DNAH12: variants seen among roughly 807,000 people sequenced by gnomAD.
DNAH12 encodes the protein axonemal beta dynein heavy chain 12.
In DNAH12, 285 loss-of-function variants were observed where a neutral mutation model predicts 371.5. That is an observed-to-expected ratio of 0.77 (90% confidence interval 0.70 to 0.85). DNAH12 has a LOEUF of 0.85. Among genes scored for constraint, DNAH12 ranks in the 40% least tolerant of loss-of-function variants. The probability of loss-of-function intolerance (pLI) is 0.00; values close to 1 mark genes in which losing one functional copy is unlikely to be tolerated. For synonymous variants in DNAH12, 1,200 were observed against 1,213.0 expected (o/e 0.99, Z 0.22); for missense variants, 3,611 against 3,689.4 (o/e 0.98, Z 0.55).
intron 70 of DNAH12, among the ~76,000 whole-genome samples, chr3:57,301,346 C>G (rs2061342722): frequency 7.3e-6 from 1 of 137,586 alleles, no homozygotes; most frequent in Non-Finnish European, 1.6e-5. Context: ...ATTAAAATCA[C>G]AAGACAACTT....
chr3:57,403,244 C>G, intron 43 of DNAH12, 65 bp downstream of exon 43: 1 of 1,442,894 alleles, frequency 6.9e-7, no homozygotes, highest in Non-Finnish European at 9.2e-7. Context: ...CAGGCTGGTT[C>G]TCTCTTTACG....
In DNAH12 at chr3:57,408,279, C is replaced by T. The variant is rs1553681904; in HGVS notation, c.6276+1G>A. ...ACATTTACATTGCATTATTGACTGA[C>T]CTCCATAGTCCCATTGACTATCTGG... is the stretch of plus-strand genomic sequence containing the variant. On this transcript the variant is annotated splice_donor_variant, in intron 40 of 73. Coordinates refer to ENST00000495027, the MANE Select transcript of DNAH12 (RefSeq NM_001366028.2). LOFTEE classifies it high-confidence loss of function. 1.3e-6 allele frequency: 2 copies of T among 1,536,790 alleles called. No homozygotes were observed. Among genetic ancestry groups the T allele is most frequent in the Admixed American group, 4.1e-5 (2 of 48,296 alleles).
chr3:57,419,000 AAATGT>A (rs1412058490), intron 37 of DNAH12, among the ~76,000 whole-genome samples: 1 of 152,210 alleles, frequency 6.6e-6, no homozygotes, highest in Non-Finnish European at 1.5e-5. Context: ...GAAAAATGCT[AAATGT>A]AATAGGAGAA....
intron 49 of DNAH12, among the ~76,000 whole-genome samples, chr3:57,383,448 G>A (rs2063437034): frequency 1.3e-5 from 2 of 151,886 alleles, no homozygotes; most frequent in African/African-American, 2.4e-5. Context: ...TGGAACATAG[G>A]GAGAAGTTAC....
At chr3:57,409,459 G>A (rs1274327307) in intron 39 of DNAH12, among the ~76,000 whole-genome samples, 3 of 151,958 alleles carry the variant, frequency 2.0e-5, no homozygotes, top group African/African-American at 7.3e-5. Flanking sequence ...GCACTGATAT[G>A]GCTATTTGAG....
At chr3:57,432,164 A>T (rs147422667) in intron 32 of DNAH12, among the ~76,000 whole-genome samples, 1 of 119,526 alleles carries the variant, frequency 8.4e-6, no homozygotes. Flanking sequence ...GTACTTCAGT[A>T]TATCTTTTTT....
chr3:57,296,927 G>C lies in DNAH12; in HGVS notation c.11452C>G (p.Gln3818Glu). ...VFWLSGFFFT[Q>E]AFLTGAMQNY... ...TGCATAGCTCCAGTTAAAAAGGCCT[G>C]AGTGAAAAAGAAACCTGACAGCCAA... The change falls in exon 71 of 74, where the codon CAG becomes GAG. Residue 3818 changes from glutamine to glutamate, a missense_variant. Physicochemically the swap from Gln to Glu is conservative, Grantham distance 29. Transcript: ENST00000495027. 6.4e-7 allele frequency: 1 copy of C among 1,551,648 alleles called. No homozygotes were observed. Among genetic ancestry groups the C allele is most frequent in the South Asian group, 1.2e-5 (1 of 84,056 alleles).
At chr3:57,358,440 C>T (rs2062848742) in intron 58 of DNAH12, among the ~76,000 whole-genome samples, 1 of 151,812 alleles carries the variant, frequency 6.6e-6, no homozygotes, top group Non-Finnish European at 1.5e-5. Flanking sequence ...TAAGGCCTTC[C>T]GTTCATCCTT....
At chr3:57,533,064 A>G (rs2153400876) in intron 2 of DNAH12, among the ~76,000 whole-genome samples, 2 of 152,190 alleles carry the variant, frequency 1.3e-5, no homozygotes, top group East Asian at 3.9e-4. Context: ...AGTCCTTCCT[A>G]CTTTTCCCTC....
rs34135477 is a variant in DNAH12 at position 57,333,329 on chromosome 3, C to CTTTTTTTTTTTTTTTT, written c.9978+1120_9978+1135dup. Among the ~76,000 whole-genome samples the CTTTTTTTTTTTTTTTT allele has an allele frequency of 3.7e-4, 41 of 111,072 alleles. 3 individuals are homozygous for CTTTTTTTTTTTTTTTT. Among genetic ancestry groups the CTTTTTTTTTTTTTTTT allele is most frequent in the African/African-American group, 1.8e-3 (40 of 21,906 alleles). 72.9% of individuals were successfully genotyped at this position (111,072 alleles called of 152,430 possible). On this transcript the variant is annotated intron_variant, in intron 62 of 73. Coordinates refer to ENST00000495027, the MANE Select transcript of DNAH12 (RefSeq NM_001366028.2). ...CGGATACATGTTCTTTTTAAGGCAACTTTTTTTTTTTTTTTTTTTTAGATG... is the reference window on the plus strand; with the variant it reads ...CGGATACATGTTCTTTTTAAGGCAACTTTTTTTTTTTTTTTTTTTTTTTTTTTTTTTTTTTTAGATG...
intron 17 of DNAH12, among the ~76,000 whole-genome samples, chr3:57,466,652 T>C (rs1279111231): frequency 6.6e-6 from 1 of 152,220 alleles, no homozygotes; most frequent in Non-Finnish European, 1.5e-5. Context: ...AGAACTGTGC[T>C]ATAACTAAAC....
chr3:57,448,493 A>G (rs1331168614), intron 25 of DNAH12, among the ~76,000 whole-genome samples: 1 of 152,064 alleles, frequency 6.6e-6, no homozygotes, highest in Non-Finnish European at 1.5e-5. Flanking sequence ...TGGCTTCAGG[A>G]GTGAAGCTGT....
chr3:57,323,746 G>C, intron 62 of DNAH12, 127 bp from the exon 63 acceptor site: 2 of 942,890 alleles, frequency 2.1e-6, no homozygotes, highest in South Asian at 5.3e-5. Flanking sequence ...TAGCATCATA[G>C]ACAAAGCACT....
chr3:57,437,417 A>C (rs1202291599), intron 29 of DNAH12, among the ~76,000 whole-genome samples: 1 of 152,218 alleles, frequency 6.6e-6, no homozygotes, highest in Non-Finnish European at 1.5e-5. Context: ...TAAACAAATA[A>C]GTTTTTTAAA....
chr3:57,498,728 G>A (rs1431609862), intron 11 of DNAH12, among the ~76,000 whole-genome samples: 1 of 152,032 alleles, frequency 6.6e-6, no homozygotes, highest in Non-Finnish European at 1.5e-5. Flanking sequence ...GGCTAGGCGC[G>A]GTGGCTCACA....
At chr3:57,520,972 G>A (rs911288744) in intron 4 of DNAH12, among the ~76,000 whole-genome samples, 2 of 147,496 alleles carry the variant, frequency 1.4e-5, no homozygotes, top group Admixed American at 1.4e-4. Context: ...GCTGAGGCAG[G>A]AGAATTGCTT....
intron 43 of DNAH12, among the ~76,000 whole-genome samples, chr3:57,395,534 A>G (rs2063719334): frequency 6.6e-6 from 1 of 152,212 alleles, no homozygotes; most frequent in Admixed American, 6.5e-5. Flanking sequence ...CCATCTTCCA[A>G]TATGAAGCCT....
intron 68 of DNAH12, 29 bp from the exon 69 acceptor site, chr3:57,309,283 A>T: frequency 6.7e-7 from 1 of 1,497,820 alleles, no homozygotes; most frequent in Non-Finnish European, 9.0e-7. Context: ...AAGATCACAA[A>T]TTATTCTCAG....
intron 59 of DNAH12, among the ~76,000 whole-genome samples, chr3:57,353,124 T>C (rs2062721483): frequency 7.7e-6 from 1 of 129,048 alleles, no homozygotes; most frequent in Non-Finnish European, 1.6e-5. Flanking sequence ...AGAAAACATA[T>C]GGATAAATAT....
Sources: gnomAD v4.1 joint callset for allele counts (sites outside exome capture counted in the v4.1 genomes callset) on GRCh38, gnomAD v4.1.1 for gene constraint, MANE v1.5 for transcripts, NCBI Gene and HGNC (gene_info 2026-07-23, HGNC 2026-07-21) for gene names.